TSPEAR: variants seen among roughly 807,000 people sequenced by gnomAD.
The protein encoded by TSPEAR is thrombospondin type laminin G domain and EAR repeats.
In TSPEAR, 69 loss-of-function variants were observed where a neutral mutation model predicts 71.6. The observed-to-expected ratio is 0.96, with a 90% CI of 0.79 to 1.18. The LOEUF (loss-of-function observed/expected upper bound fraction) is 1.18. TSPEAR is among the 50% of genes most tolerant of loss of function. TSPEAR has a pLI of 0.00. For synonymous variants in TSPEAR, 402 were observed against 387.2 expected (o/e 1.04, Z -0.45); for missense variants, 971 against 894.9 (o/e 1.09, Z -1.09).
chr21:44,686,570 C>G (rs1276200825), intron 1 of TSPEAR: 1 of 153,110 alleles, frequency 6.5e-6, no homozygotes, highest in African/African-American at 2.4e-5. Context: ...TGCGGGTCCT[C>G]CAGGTGCTGC....
At chr21:44,598,523 T>G (rs1346114033) in intron 1 of TSPEAR, among the ~76,000 whole-genome samples, 1 of 151,832 alleles carries the variant, frequency 6.6e-6, no homozygotes, top group African/African-American at 2.4e-5. Context: ...GATTATACAT[T>G]GATTATACAT....
At chr21:44,508,554 A>AG (rs2052262858) in intron 10 of TSPEAR, 1 of 1,119,684 alleles carries the variant, frequency 8.9e-7, no homozygotes, top group Non-Finnish European at 1.1e-6. Flanking sequence ...TCCACCCCAG[A>AG]GGACGCCCCA....
Position 44,551,077 on chromosome 21 carries a change from G to T in TSPEAR, c.303+16708C>A. Reference sequence around the variant, plus strand: ...CAGGAGGAAGAGGCACAGCAAGCTGGCTGGCAGCTAGACTGCTGGCAGCAT... The same window carrying T: ...CAGGAGGAAGAGGCACAGCAAGCTGTCTGGCAGCTAGACTGCTGGCAGCAT... On this transcript the variant is annotated intron_variant, in intron 2 of 11. Coordinates refer to ENST00000323084, the MANE Select transcript of TSPEAR (RefSeq NM_144991.3). 3 of 1,571,984 alleles carry T rather than the reference G, an allele frequency of 1.9e-6. No homozygotes were observed. The South Asian group carries it at 3.4e-5, about 18-fold the overall frequency.
At chr21:44,651,521 T>C (rs983166680) in intron 1 of TSPEAR, among the ~76,000 whole-genome samples, 12 of 152,128 alleles carry the variant, frequency 7.9e-5, no homozygotes, top group Admixed American at 7.9e-4. Flanking sequence ...CTCATCTCTT[T>C]CAGCTTCTGG....
At chr21:44,583,574 A>ATG (rs1290406669) in intron 1 of TSPEAR, among the ~76,000 whole-genome samples, 2 of 151,820 alleles carry the variant, frequency 1.3e-5, no homozygotes, top group Non-Finnish European at 2.9e-5. Flanking sequence ...TTGTTCATGT[A>ATG]TGTGTGTGTG....
Position 44,612,576 on chromosome 21 carries a change from C to T in TSPEAR, c.83-44571G>A, listed in dbSNP as rs763238933. 6.2e-7 allele frequency: 1 copy of T among 1,614,090 alleles called. No homozygotes were observed. The highest frequency in any genetic ancestry group is 2.2e-5 in the East Asian group (1 of 44,882). On this transcript the variant is annotated intron_variant, in intron 1 of 11. Transcript: ENST00000323084. The surrounding 1 kb of genome is among the most constrained non-coding windows in gnomAD (Gnocchi z 4.1). ...TGCCAGTCAGCTTGCTGCACCTTCT[C>T]CCCATGCCAACAGGCCTGCTGTGTG...
At chr21:44,592,643 C>T (rs418260) in intron 1 of TSPEAR, 73,741 of 1,163,630 alleles carry the variant, frequency 0.063, 3,379 homozygotes, top group East Asian at 0.17. Context: ...TTTGTTCGCC[C>T]GTGATGTGGG....
chr21:44,601,459 T>C (rs1468005267), intron 1 of TSPEAR: 2 of 1,611,000 alleles, frequency 1.2e-6, no homozygotes, highest in Non-Finnish European at 1.7e-6. Flanking sequence ...TGTGCCCGTC[T>C]GCTCTGGGGC....
chr21:44,608,167 GA>G (rs1555930155), intron 1 of TSPEAR, among the ~76,000 whole-genome samples: 3 of 152,282 alleles, frequency 2.0e-5, no homozygotes, highest in African/African-American at 7.2e-5. Context: ...CAAAACTCAT[GA>G]AAAGGTAACT....
At chr21:44,599,174 T>TCTCTCTCTCCC (rs1555928060) in intron 1 of TSPEAR, among the ~76,000 whole-genome samples, 1 of 13,960 alleles carries the variant, frequency 7.2e-5, no homozygotes, top group Admixed American at 6.6e-4. Flanking sequence ...CTCTCTCTCC[T>TCTCTCTCTCCC]TCCATCCCAT....
intron 1 of TSPEAR, among the ~76,000 whole-genome samples, chr21:44,594,829 T>TTC (rs1274088070): frequency 6.7e-6 from 1 of 149,264 alleles, no homozygotes; most frequent in Non-Finnish European, 1.5e-5. Context: ...GTGATTTTTT[T>TTC]TTTTTTTTTT....
intron 3 of TSPEAR, 33 bp downstream of exon 3, chr21:44,533,652 C>T: frequency 1.3e-6 from 2 of 1,557,532 alleles, no homozygotes; most frequent in South Asian, 1.1e-5. Context: ...ACTCTGAGGA[C>T]TGCAGGTGCA....
intron 1 of TSPEAR, among the ~76,000 whole-genome samples, chr21:44,708,845 G>A (rs1262555349): frequency 6.6e-6 from 1 of 152,238 alleles, no homozygotes; most frequent in African/African-American, 2.4e-5. Context: ...CGTGTGGGCA[G>A]GGGCCCTGGC....
At chr21:44,677,332 T>C (rs1195276741) in intron 1 of TSPEAR, 76 of 1,297,628 alleles carry the variant, frequency 5.9e-5, no homozygotes, top group Non-Finnish European at 8.0e-5. Flanking sequence ...TTGCCCTCAA[T>C]CTCAGAATTG....
intron 1 of TSPEAR, among the ~76,000 whole-genome samples, chr21:44,616,218 T>A (rs1350133957): frequency 6.6e-6 from 1 of 152,110 alleles, no homozygotes; most frequent in Non-Finnish European, 1.5e-5. Context: ...CCTGCCAGGG[T>A]CACCTCTGCT....
chr21:44,649,001 C>T (rs1032800006), intron 1 of TSPEAR, among the ~76,000 whole-genome samples: 1 of 152,242 alleles, frequency 6.6e-6, no homozygotes, highest in Non-Finnish European at 1.5e-5. Context: ...TCCCAGGTCC[C>T]GGGGTGCCCC....
intron 1 of TSPEAR, among the ~76,000 whole-genome samples, chr21:44,670,989 A>G (rs969918118): frequency 1.7e-4 from 26 of 152,132 alleles, no homozygotes; most frequent in African/African-American, 5.8e-4. Context: ...ACCCCACACT[A>G]TTCACCATAG....
intron 7 of TSPEAR, among the ~76,000 whole-genome samples, chr21:44,526,341 G>A (rs1447897673): frequency 6.6e-6 from 1 of 152,226 alleles, no homozygotes; most frequent in Non-Finnish European, 1.5e-5. Context: ...CATGGACGAT[G>A]TGCTTGGAGG....
chr21:44,541,115 A>G (rs587773368), intron 2 of TSPEAR, among the ~76,000 whole-genome samples: 1 of 151,170 alleles, frequency 6.6e-6, no homozygotes, highest in East Asian at 1.9e-4. Context: ...GTTCCTGTTC[A>G]TTGTCCTTGC....
Sources: allele counts gnomAD v4.1 joint callset (sites outside exome capture counted in the v4.1 genomes callset), GRCh38; gene constraint gnomAD v4.1.1; non-coding constraint Gnocchi (gnomAD v3.1); transcripts MANE v1.5; gene names NCBI Gene and HGNC (gene_info 2026-07-23, HGNC 2026-07-21).